The following ANKRD45 variants were observed in gnomAD, a reference collection of about 807,000 sequenced individuals.
ANKRD45 encodes the protein ankyrin repeat domain 45.
Under a neutral mutation model 28.1 loss-of-function variants are expected in ANKRD45, and 21 were observed. That is an observed-to-expected ratio of 0.75 (90% CI 0.53 to 1.08). ANKRD45 has a LOEUF of 1.08. Ranked by LOEUF, ANKRD45 falls within the 50% of genes least tolerant of loss-of-function variation. ANKRD45 has a pLI of 0.00. For synonymous variants in ANKRD45, 86 were observed against 103.9 expected, an observed-to-expected ratio of 0.83 and a Z score of 1.05; for missense variants, 261 against 308.7, an observed-to-expected ratio of 0.85 and a Z score of 1.16.
upstream of ANKRD45, among the ~76,000 whole-genome samples, chr1:173,672,099 G>T (rs76020837): frequency 0.043 from 6,540 of 152,222 alleles, 227 homozygotes; most frequent in Non-Finnish European, 0.068. Context: ...TAAGGCGGCT[G>T]CAGACCCATA....
At chr1:173,707,135 GT>G in the ANKRD45 span, among the ~76,000 whole-genome samples, 1,898 of 151,512 alleles carry the variant, frequency 0.013, 41 homozygotes, top group African/African-American at 0.041. Flanking sequence ...TATGTTATTT[GT>G]TTTTTTCTCT....
the ANKRD45 span, among the ~76,000 whole-genome samples, chr1:173,708,098 C>G: frequency 6.6e-6 from 1 of 152,200 alleles, no homozygotes; most frequent in Non-Finnish European, 1.5e-5. Flanking sequence ...TCAGCTATTT[C>G]TATTTTTAGA....
the ANKRD45 span, chr1:173,715,104 A>T: frequency 6.6e-6 from 1 of 152,598 alleles, no homozygotes; most frequent in Non-Finnish European, 1.5e-5. Flanking sequence ...ACCTTAGAGC[A>T]GGGGACAGCG....
At chr1:173,677,434 T>G in the ANKRD45 span, among the ~76,000 whole-genome samples, 1 of 152,194 alleles carries the variant, frequency 6.6e-6, no homozygotes. Context: ...CTTGCATCAG[T>G]GTGCCATTGA....
chr1:173,680,260 T>G, the ANKRD45 span, among the ~76,000 whole-genome samples: 1 of 152,156 alleles, frequency 6.6e-6, no homozygotes, highest in East Asian at 1.9e-4. Flanking sequence ...TGTGGCACTA[T>G]TCACAATAGC....
the ANKRD45 span, among the ~76,000 whole-genome samples, chr1:173,704,913 A>G: frequency 6.6e-6 from 1 of 152,242 alleles, no homozygotes; most frequent in Non-Finnish European, 1.5e-5. Context: ...TGTAGTTTCA[A>G]CAAAGGCCTC....
intron 3 of ANKRD45, among the ~76,000 whole-genome samples, chr1:173,642,309 C>T (rs567218404): frequency 4.6e-5 from 7 of 152,322 alleles, no homozygotes; most frequent in African/African-American, 1.7e-4. Flanking sequence ...AAAAACTTGT[C>T]TCTGCCACTC....
chr1:173,688,411 CCTCT>C, the ANKRD45 span, among the ~76,000 whole-genome samples: 17 of 104,030 alleles, frequency 1.6e-4, no homozygotes, highest in African/African-American at 3.6e-4. Flanking sequence ...TCTGCCTCTT[CCTCT>C]CTCTCTGCCT....
At chr1:173,675,536 C>T in the ANKRD45 span, 1 of 156,774 alleles carries the variant, frequency 6.4e-6, no homozygotes, top group Non-Finnish European at 1.4e-5. Flanking sequence ...ATTGCTTGAA[C>T]CCAGGGGGTA....
intron 3 of ANKRD45, among the ~76,000 whole-genome samples, chr1:173,638,195 G>A (rs1338401036): frequency 6.6e-6 from 1 of 152,090 alleles, no homozygotes; most frequent in Non-Finnish European, 1.5e-5. Flanking sequence ...AAGGGAAAAG[G>A]AGGAAGGTTA....
the ANKRD45 span, among the ~76,000 whole-genome samples, chr1:173,701,724 C>G: frequency 6.6e-6 from 1 of 152,046 alleles, no homozygotes; most frequent in Non-Finnish European, 1.5e-5. Flanking sequence ...ATGTAAATGA[C>G]AAGTTAATGG....
chr1:173,641,169 T>C (rs944041770), intron 3 of ANKRD45, among the ~76,000 whole-genome samples: 2 of 152,188 alleles, frequency 1.3e-5, no homozygotes, highest in African/African-American at 4.8e-5. Context: ...ACCTTAGCCA[T>C]TGAGATAGGA....
At chr1:173,617,214 G>A (rs1223973835) in intron 5 of ANKRD45, among the ~76,000 whole-genome samples, 3 of 152,222 alleles carry the variant, frequency 2.0e-5, no homozygotes, top group East Asian at 3.9e-4. Flanking sequence ...CAAGGCAGGA[G>A]ATCCATTTAT....
chr1:173,610,247 A>G (rs754157990), intron 5 of ANKRD45, 32 bp from the exon 6 acceptor site: 1 of 1,596,760 alleles, frequency 6.3e-7, no homozygotes, highest in Non-Finnish European at 8.6e-7. Context: ...AATTACATTT[A>G]ATTAGTTTGC....
chr1:173,661,532 G>A (rs985752699), intron 1 of ANKRD45, among the ~76,000 whole-genome samples: 1 of 152,224 alleles, frequency 6.6e-6, no homozygotes, highest in African/African-American at 2.4e-5. Context: ...ATTAAGGACA[G>A]TTAGCTGAAG....
chr1:173,661,680 G>A (rs551786974), intron 1 of ANKRD45, among the ~76,000 whole-genome samples: 2 of 152,274 alleles, frequency 1.3e-5, no homozygotes, highest in Non-Finnish European at 2.9e-5. Context: ...AAATTAGTGT[G>A]AATTGGGGCT....
the ANKRD45 span, among the ~76,000 whole-genome samples, chr1:173,682,957 C>G: frequency 7.2e-6 from 1 of 139,776 alleles, no homozygotes; most frequent in Non-Finnish European, 1.5e-5. Context: ...TTTTCTTTTT[C>G]GGGCCATTTT....
At chr1:173,610,258 A>C in intron 5 of ANKRD45, 43 bp from the exon 6 acceptor site, 1 of 1,574,386 alleles carries the variant, frequency 6.4e-7, no homozygotes, top group Non-Finnish European at 8.7e-7. Context: ...ATTAGTTTGC[A>C]ATATGAAACA....
chr1:173,611,168 C>T (rs1667131371), intron 5 of ANKRD45, among the ~76,000 whole-genome samples: 2 of 152,214 alleles, frequency 1.3e-5, no homozygotes, highest in Admixed American at 6.5e-5. Flanking sequence ...TTATTCCCCA[C>T]ATTTCCACTT....
Sources: gnomAD v4.1 joint callset for allele counts (sites outside exome capture counted in the v4.1 genomes callset) on GRCh38, gnomAD v4.1.1 for gene constraint, MANE v1.5 for transcripts, NCBI Gene and HGNC (gene_info 2026-07-23, HGNC 2026-07-21) for gene names.